Variants in PSPH observed in about 807,000 individuals in gnomAD.
PSPH encodes L-3-phosphoserine phosphatase.
PSPH carries 16 observed loss-of-function variants against 23.4 expected under a neutral mutation model. The observed-to-expected ratio is 0.68, with a 90% CI of 0.46 to 1.04. The LOEUF is 1.04. Among genes scored for constraint, PSPH ranks in the 50% least tolerant of loss-of-function variants. PSPH has a pLI of 0.00. For synonymous variants in PSPH, 68 were observed against 99.7 expected (o/e 0.68, Z 1.89); for missense variants, 223 against 273.7 (o/e 0.81, Z 1.31).
intron 1 of PSPH, among the ~76,000 whole-genome samples, chr7:56,050,230 G>C (rs112049385): frequency 0.021 from 3,202 of 152,178 alleles, 57 homozygotes; most frequent in Non-Finnish European, 0.032. Context: ...ATAGCAGACT[G>C]TGAACAACTT....
At chr7:56,036,653 T>G (rs533521812) in intron 1 of PSPH, among the ~76,000 whole-genome samples, 15 of 152,174 alleles carry the variant, frequency 9.9e-5, no homozygotes, top group African/African-American at 3.6e-4. Context: ...GTTAATTAAT[T>G]AAAATCTGCC....
chr7:56,012,794 C>T (rs1016535524), intron 7 of PSPH, among the ~76,000 whole-genome samples: 3 of 146,472 alleles, frequency 2.0e-5, no homozygotes, highest in African/African-American at 2.5e-5. Flanking sequence ...GGGGTTTCAC[C>T]GTGTTGCCCA....
chr7:56,029,161 T>C (rs572724591), intron 3 of PSPH, among the ~76,000 whole-genome samples: 6 of 152,132 alleles, frequency 3.9e-5, no homozygotes, highest in Non-Finnish European at 8.8e-5. Flanking sequence ...ACTCACAATC[T>C]ATGCGTATTT....
At chr7:56,034,288 G>C (rs1791429810) in intron 1 of PSPH, 182 bp from the exon 2 acceptor site, 1 of 152,212 alleles carries the variant, frequency 6.6e-6, no homozygotes, top group Non-Finnish European at 1.5e-5. Flanking sequence ...AGAGGTGCAC[G>C]GTGCCTGTGG....
chr7:56,047,368 G>A (rs1444492703), intron 1 of PSPH, among the ~76,000 whole-genome samples: 12 of 151,012 alleles, frequency 7.9e-5, no homozygotes, highest in African/African-American at 2.9e-4. Context: ...CAGCCTGGGC[G>A]ACAGGGTGAG....
At chr7:56,026,567 C>T (rs899139894) in intron 3 of PSPH, among the ~76,000 whole-genome samples, 1 of 146,294 alleles carries the variant, frequency 6.8e-6, no homozygotes, top group Non-Finnish European at 1.5e-5. Context: ...TTTGGGCAGC[C>T]AAGACAGGTG....
chr7:56,013,122 C>T (rs1332444370), intron 7 of PSPH, among the ~76,000 whole-genome samples: 11 of 136,400 alleles, frequency 8.1e-5, no homozygotes, highest in Admixed American at 6.2e-4. Flanking sequence ...TATTTATATA[C>T]ACACACATAT....
At chr7:56,016,867 G>A (rs547468946) in intron 6 of PSPH, among the ~76,000 whole-genome samples, 7 of 152,090 alleles carry the variant, frequency 4.6e-5, no homozygotes, top group South Asian at 4.1e-4. Flanking sequence ...GTGAGCCACC[G>A]TGCCCAGCCA....
intron 1 of PSPH, among the ~76,000 whole-genome samples, chr7:56,049,982 C>T (rs1428802092): frequency 6.6e-6 from 1 of 152,104 alleles, no homozygotes; most frequent in African/African-American, 2.4e-5. Flanking sequence ...GTGATCCGCC[C>T]ACCTCGGCTT....
At chr7:56,028,040 C>A (rs1354724745) in intron 3 of PSPH, among the ~76,000 whole-genome samples, 1 of 149,680 alleles carries the variant, frequency 6.7e-6, no homozygotes, top group Non-Finnish European at 1.5e-5. Flanking sequence ...CAGAGTGAGA[C>A]CCTGCCTCAA....
At chr7:56,026,173 G>A (rs1418921665) in intron 3 of PSPH, among the ~76,000 whole-genome samples, 3 of 152,048 alleles carry the variant, frequency 2.0e-5, no homozygotes, top group African/African-American at 7.2e-5. Context: ...AACCTAAGCA[G>A]TTATTAAGAA....
At chr7:56,016,806 A>G (rs949865299) in intron 6 of PSPH, among the ~76,000 whole-genome samples, 2 of 151,614 alleles carry the variant, frequency 1.3e-5, no homozygotes, top group Non-Finnish European at 2.9e-5. Context: ...TGAACTCCTG[A>G]CCTCAAGTGA....
At chr7:56,020,111 TAGG>T (rs1259200745) in intron 4 of PSPH, among the ~76,000 whole-genome samples, 2 of 150,350 alleles carry the variant, frequency 1.3e-5, no homozygotes, top group African/African-American at 4.9e-5. Flanking sequence ...CCCAGCTACT[TAGG>T]AGGCTGAGGC....
chr7:56,037,724 T>G lies in PSPH; in HGVS notation c.-291-3618A>C, dbSNP rs868633567. Among the ~76,000 whole-genome samples the G allele has an allele frequency of 8.2e-4, 105 of 128,218 alleles. No homozygotes were observed. In the Middle Eastern group the frequency reaches 0.011, roughly 14 times the overall value. The allele number at this position is 128,218 out of a possible 152,430, so 84.1% of individuals were successfully genotyped here. A position where few individuals can be genotyped will look rare whatever the true frequency, so the allele number is the denominator to read the frequency against. On this transcript the variant is annotated intron_variant, in intron 1 of 7. Transcript: ENST00000275605. ...CTAACAAATTTTTTTTTTTTTTTTTTTTTTTTGAGATGGAGTCTTGCTCTG... is the reference window on the plus strand; with the variant it reads ...CTAACAAATTTTTTTTTTTTTTTTTGTTTTTTGAGATGGAGTCTTGCTCTG...
chr7:56,024,287 C>T (rs1343402001), intron 3 of PSPH, among the ~76,000 whole-genome samples: 1 of 151,796 alleles, frequency 6.6e-6, no homozygotes, highest in East Asian at 1.9e-4. Context: ...TCATAGCTCA[C>T]TGTAGCCTCA....
At chr7:56,015,979 T>G (rs1788502572) in intron 6 of PSPH, among the ~76,000 whole-genome samples, 2 of 151,990 alleles carry the variant, frequency 1.3e-5, no homozygotes, top group African/African-American at 2.4e-5. Context: ...AAATTTAAAA[T>G]GTTAATATAT....
chr7:56,051,179 G>C lies in PSPH; in HGVS notation c.-333C>G, dbSNP rs886062392. ...CTCAAAGGCAGGAATGACTCTACAAGGGTGAATTTTCAAATCTGCCATAGG... is the reference window on the plus strand; with the variant it reads ...CTCAAAGGCAGGAATGACTCTACAACGGTGAATTTTCAAATCTGCCATAGG... On this transcript the variant is annotated 5_prime_UTR_variant, in exon 1 of 8. Coordinates refer to ENST00000275605, the MANE Select transcript of PSPH (RefSeq NM_004577.4). 6.6e-6 allele frequency: 1 copy of C among 152,272 alleles called. No homozygotes were observed. The highest frequency in any genetic ancestry group is 2.4e-5 in the African/African-American group (1 of 41,472). 9.4% of individuals were successfully genotyped at this position (152,272 alleles called of 1,614,324 possible).
chr7:56,050,228 C>T (rs1232881294), intron 1 of PSPH, among the ~76,000 whole-genome samples: 1 of 152,098 alleles, frequency 6.6e-6, no homozygotes, highest in Non-Finnish European at 1.5e-5. Flanking sequence ...GAATAGCAGA[C>T]TGTGAACAAC....
In PSPH at chr7:56,011,892, G is replaced by T. The variant is rs758582546; in HGVS notation, c.571-23C>A. ...ATCCTAAGAAGGAAGAAAAGAGAGAGAAATGATTTTTATTTTTATTTATTT... is the reference window on the plus strand; with the variant it reads ...ATCCTAAGAAGGAAGAAAAGAGAGATAAATGATTTTTATTTTTATTTATTT... On this transcript the variant is annotated intron_variant, in intron 7 of 7. Transcript: ENST00000275605. 1.4e-5 allele frequency: 22 copies of T among 1,550,860 alleles called. No homozygotes were observed. The South Asian group carries it at 1.9e-4, about 13-fold the overall frequency.
Sources: gnomAD v4.1 joint callset for allele counts (sites outside exome capture counted in the v4.1 genomes callset) on GRCh38, gnomAD v4.1.1 for gene constraint, MANE v1.5 for transcripts, NCBI Gene and HGNC (gene_info 2026-07-23, HGNC 2026-07-21) for gene names.